OR4M1: variants seen among roughly 807,000 people sequenced by gnomAD.
OR4M1 encodes olfactory receptor family 4 subfamily M member 1.
In OR4M1, 7 loss-of-function variants were observed where a neutral mutation model predicts 9.8. The observed-to-expected ratio is 0.71, with a 90% confidence interval of 0.41 to 1.34. The LOEUF is 1.34. OR4M1 is among the 40% of genes most tolerant of loss of function. OR4M1 has a pLI of 0.01. For synonymous variants in OR4M1, 121 were observed against 139.8 expected (o/e 0.87, Z 0.95); for missense variants, 331 against 380.4 (o/e 0.87, Z 1.08).
chr14:19,776,742 T>G (rs1212021744), intron 1 of OR4M1, among the ~76,000 whole-genome samples: 2 of 152,154 alleles, frequency 1.3e-5, no homozygotes, highest in African/African-American at 4.8e-5. Context: ...CTTGGGGTGT[T>G]ACAGTGCATA....
chr14:19,780,641 GT>G lies in OR4M1; in HGVS notation c.321del (p.Ala109LeufsTer9). The stretch of plus-strand genomic sequence containing the variant: ...TGCACAGCTCTTCTTCTTACACTTT[GT>G]TGGGGCTTCGGAGATGTTCTTGCTC... ...CIAQLFFLHF[V>X]GASEMFLLTV... On this transcript the variant is annotated frameshift_variant, in exon 2 of 2. Coordinates refer to ENST00000641200, the MANE Select transcript of OR4M1 (RefSeq NM_001005500.2). LOFTEE classifies it high-confidence loss of function. The G allele has an allele frequency of 6.2e-7, 1 of 1,614,206 alleles. No individual in the cohort carries two copies. Among genetic ancestry groups the G allele is most frequent in the East Asian group, 2.2e-5 (1 of 44,888 alleles).
chr14:19,778,288 A>T (rs1300554151), intron 1 of OR4M1, among the ~76,000 whole-genome samples: 1 of 152,212 alleles, frequency 6.6e-6, no homozygotes, highest in African/African-American at 2.4e-5. Flanking sequence ...TTTCTAGATT[A>T]GTGCCATTTT....
intron 1 of OR4M1, among the ~76,000 whole-genome samples, chr14:19,778,675 T>C (rs1361532520): frequency 2.0e-5 from 3 of 152,216 alleles, no homozygotes; most frequent in Non-Finnish European, 4.4e-5. Flanking sequence ...TCATAACTAA[T>C]AACACAAGTA....
At position 19,780,372 on chromosome 14, in the gene OR4M1, T is replaced by C. The variant is rs1878435435; in HGVS notation, c.50T>C (p.Leu17Pro). 1 of 1,614,158 alleles carries C rather than the reference T, an allele frequency of 6.2e-7. No individual in the cohort carries two copies. Among genetic ancestry groups the C allele is most frequent in the African/African-American group, 1.3e-5 (1 of 75,076 alleles). The change falls in exon 2 of 2, where the codon CTA becomes CCA. Residue 17 changes from leucine to proline, a missense_variant. By Grantham distance (98) the Leu-to-Pro change is moderately conservative. This residue lies in a region of OR4M1 where 209 missense variants were observed against 200.0 expected (regional missense o/e 1.04). Transcript: ENST00000641200. The part of the protein sequence containing the change: ...TKVTEFVLTG[L>P]SQTREVQLVL... ...GTGACAGAATTTGTTCTCACTGGCC[T>C]ATCCCAGACTCGGGAGGTCCAACTA... is the stretch of plus-strand genomic sequence containing the variant.
intron 1 of OR4M1, among the ~76,000 whole-genome samples, chr14:19,777,431 T>C (rs2138429095): frequency 6.6e-6 from 1 of 152,262 alleles, no homozygotes; most frequent in East Asian, 1.9e-4. Context: ...CCCATCATCA[T>C]TTACTCTACC....
At position 19,780,863 on chromosome 14, in the gene OR4M1, A is replaced by G. The variant is rs370077229; in HGVS notation, c.541A>G (p.Ile181Val). The change falls in exon 2 of 2, where the codon ATC becomes GTC. Residue 181 changes from isoleucine (I) to valine (V), a missense_variant. Ile to Val is a conservative substitution (Grantham distance 29). Transcript: ENST00000641200. ...PNELDSYFCDITQVVRIACAN... is the reference protein window; with the variant it reads ...PNELDSYFCDVTQVVRIACAN... The stretch of plus-strand genomic sequence containing the variant: ...TGAGTTAGACAGTTACTTCTGTGAC[A>G]TCACACAGGTTGTCCGGATTGCCTG... 63 of 1,614,112 alleles carry G rather than the reference A, an allele frequency of 3.9e-5. No individual in the cohort carries two copies. The highest frequency in any genetic ancestry group is 4.9e-5 in the Non-Finnish European group (58 of 1,180,044).
intron 1 of OR4M1, among the ~76,000 whole-genome samples, chr14:19,777,026 ATATATATATATATATATATATATT>A (rs1157911964): frequency 3.0e-5 from 4 of 133,258 alleles, no homozygotes; most frequent in Admixed American, 7.6e-5. Context: ...ATATATATAT[ATATATATATATATATATATATATT>A]GTTTGTTTGT....
At position 19,780,943 on chromosome 14, in the gene OR4M1, T is replaced by G. The variant is rs1433515494; in HGVS notation, c.621T>G (p.Ser207=). The G allele has an allele frequency of 6.2e-7, 1 of 1,614,114 alleles. No homozygotes were observed. The highest frequency in any genetic ancestry group is 8.5e-7 in the Non-Finnish European group (1 of 1,180,034). ...LVMICSSGLI[S]VVCFIALLMS... is the part of the protein sequence containing the mutation. ...TGATCTGTAGTAGTGGTCTGATCTC[T>G]GTGGTGTGTTTCATTGCTCTGTTAA... Residue 207 remains serine, a synonymous_variant, in exon 2 of 2, where the codon TCT becomes TCG. Coordinates refer to ENST00000641200, the MANE Select transcript of OR4M1 (RefSeq NM_001005500.2).
chr14:19,780,243 ACT>A, intron 1 of OR4M1, 49 bp from the exon 2 acceptor site: 2 of 1,405,930 alleles, frequency 1.4e-6, no homozygotes, highest in Non-Finnish European at 1.9e-6. Flanking sequence ...CAGTGATATA[ACT>A]CTAGATAAAT....
At chr14:19,775,742 A>G (rs1878292545) in intron 1 of OR4M1, among the ~76,000 whole-genome samples, 3 of 147,514 alleles carry the variant, frequency 2.0e-5, no homozygotes, top group African/African-American at 7.4e-5. Flanking sequence ...ATATTAATGT[A>G]TATTACTATA....
chr14:19,777,050 T>TATATA (rs57131693), intron 1 of OR4M1, among the ~76,000 whole-genome samples: 1,192 of 74,704 alleles, frequency 0.016, 46 homozygotes, highest in East Asian at 0.022. Flanking sequence ...ATATATATAT[T>TATATA]GTTTGTTTGT....
At chr14:19,780,000 G>A (rs1375192000) in intron 1 of OR4M1, among the ~76,000 whole-genome samples, 1 of 152,238 alleles carries the variant, frequency 6.6e-6, no homozygotes, top group African/African-American at 2.4e-5. Flanking sequence ...TAATGTAGAT[G>A]TTTGGGGGAA....
Position 19,773,587 on chromosome 14 carries a change from G to A in OR4M1, c.-36G>A, listed in dbSNP as rs1324755460. ...TCCTGAAGGCACCAAGACTGTCACA[G>A]TAATTGGTAGGTGGAAAGTTGTTAT... On this transcript the variant is annotated 5_prime_UTR_variant, in exon 1 of 2. Transcript: ENST00000641200. 2.6e-5 allele frequency: 4 copies of A among 152,332 alleles called. No homozygotes were observed. The allele number at this position is 152,332 out of a possible 1,614,324, so 9.4% of individuals were successfully genotyped here.
intron 1 of OR4M1, among the ~76,000 whole-genome samples, chr14:19,774,294 A>T (rs1373382073): frequency 6.6e-6 from 1 of 152,248 alleles, no homozygotes; most frequent in African/African-American, 2.4e-5. Context: ...ATTAATAAAA[A>T]CAATTAGATG....
At chr14:19,777,975 G>C (rs1878361321) in intron 1 of OR4M1, among the ~76,000 whole-genome samples, 1 of 152,088 alleles carries the variant, frequency 6.6e-6, no homozygotes, top group Admixed American at 6.6e-5. Flanking sequence ...GGATTAAGAT[G>C]CTCCAGCAAA....
rs1878539504 is a variant in OR4M1 at position 19,782,757 on chromosome 14, C to G, written c.*1493C>G. 6.6e-6 allele frequency: 1 copy of G among 152,148 alleles called. No individual in the cohort carries two copies. Among genetic ancestry groups the G allele is most frequent in the Non-Finnish European group, 1.5e-5 (1 of 68,036 alleles). The allele number at this position is 152,148 out of a possible 1,614,324, so 9.4% of individuals were successfully genotyped here. ...AAAGGCATGGATTGATGTTATGAGT[C>G]CTGATTTTTGAGTTGACTTCTCATC... On this transcript the variant is annotated 3_prime_UTR_variant, in exon 2 of 2. Coordinates refer to ENST00000641200, the MANE Select transcript of OR4M1 (RefSeq NM_001005500.2).
At position 19,782,917 on chromosome 14, in the gene OR4M1, T is replaced by C. The variant is rs1356346178; in HGVS notation, c.*1653T>C. The C allele has an allele frequency of 6.6e-6, 1 of 152,246 alleles. No homozygotes were observed. The highest frequency in any genetic ancestry group is 2.4e-5 in the African/African-American group (1 of 41,472). The allele number at this position is 152,246 out of a possible 1,614,324, so 9.4% of individuals were successfully genotyped here. Reference sequence around the variant, plus strand: ...GTTTCTAAATCTTTTATCATCTTACTGTCATTTCTCTGTATTTGATCTAGC... The same window carrying C: ...GTTTCTAAATCTTTTATCATCTTACCGTCATTTCTCTGTATTTGATCTAGC... On this transcript the variant is annotated 3_prime_UTR_variant, in exon 2 of 2. Coordinates refer to ENST00000641200, the MANE Select transcript of OR4M1 (RefSeq NM_001005500.2).
rs1787355856 is a variant in OR4M1 at position 19,779,222 on chromosome 14, G to A, written c.-29-1072G>A. Among the ~76,000 whole-genome samples the A allele has an allele frequency of 2.6e-5, 4 of 152,180 alleles. No homozygotes were observed. The South Asian group carries it at 8.3e-4, about 32-fold the overall frequency. ...GTTTGGACACAGCCACATCTGTTTG[G>A]TTTTACAGAACCTTAACTTTTTAAA... is the stretch of plus-strand genomic sequence containing the variant. On this transcript the variant is annotated intron_variant, in intron 1 of 1. Coordinates refer to ENST00000641200, the MANE Select transcript of OR4M1 (RefSeq NM_001005500.2).
At chr14:19,774,948 T>G (rs558494152) in intron 1 of OR4M1, among the ~76,000 whole-genome samples, 1 of 152,176 alleles carries the variant, frequency 6.6e-6, no homozygotes, top group South Asian at 2.1e-4. Flanking sequence ...GAATGGACCC[T>G]CTCTTGGCCA....
Sources: gnomAD v4.1 joint callset for allele counts (sites outside exome capture counted in the v4.1 genomes callset) on GRCh38, gnomAD v4.1.1 for gene constraint, gnomAD v4.1.1 regional missense constraint, MANE v1.5 for transcripts, NCBI Gene and HGNC (gene_info 2026-07-23, HGNC 2026-07-21) for gene names.